Variants in DIAPH3 observed in about 807,000 individuals in gnomAD.
The protein encoded by DIAPH3 is diaphanous related formin 3, also known as protein diaphanous homolog 3.
Under a neutral mutation model 144.3 loss-of-function variants are expected in DIAPH3, and 117 were observed. The ratio of observed to expected loss-of-function variants is 0.81; its 90% CI spans 0.70 to 0.95. DIAPH3 has a LOEUF of 0.95. DIAPH3 is among the 40% of genes least tolerant of loss of function. The pLI is 0.00. For missense variants in DIAPH3, 1,421 were observed against 1,412.7 expected, an observed-to-expected ratio of 1.01 and a Z score of -0.09; for synonymous variants, 519 against 488.9, an observed-to-expected ratio of 1.06 and a Z score of -0.81.
intron 27 of DIAPH3, among the ~76,000 whole-genome samples, chr13:59,753,701 T>C (rs2037126211): frequency 6.6e-6 from 1 of 152,174 alleles, no homozygotes; most frequent in African/African-American, 2.4e-5. Context: ...ATAAATATAT[T>C]TCTTATGCTT....
At chr13:59,745,523 C>T (rs1349245581) in intron 27 of DIAPH3, among the ~76,000 whole-genome samples, 1 of 152,110 alleles carries the variant, frequency 6.6e-6, no homozygotes, top group Non-Finnish European at 1.5e-5. Context: ...CCTTGCACAA[C>T]TGAGAATTAC....
chr13:60,147,670 T>A (rs1242043600), intron 1 of DIAPH3, among the ~76,000 whole-genome samples: 1 of 152,176 alleles, frequency 6.6e-6, no homozygotes, highest in Non-Finnish European at 1.5e-5. Flanking sequence ...ATTGCAATCA[T>A]GCAGGGACCT....
intron 27 of DIAPH3, among the ~76,000 whole-genome samples, chr13:59,689,997 A>C (rs1326392559): frequency 6.6e-6 from 1 of 152,072 alleles, no homozygotes; most frequent in East Asian, 1.9e-4. Flanking sequence ...GCACAATGTC[A>C]CTTTACCCAA....
intron 27 of DIAPH3, among the ~76,000 whole-genome samples, chr13:59,725,963 C>T (rs189841781): frequency 1.2e-4 from 18 of 152,234 alleles, no homozygotes; most frequent in Non-Finnish European, 1.6e-4. Flanking sequence ...CTTTCCTCTG[C>T]TAAAAATTTA....
At chr13:59,721,074 A>G (rs568247885) in intron 27 of DIAPH3, among the ~76,000 whole-genome samples, 1 of 152,348 alleles carries the variant, frequency 6.6e-6, no homozygotes, top group African/African-American at 2.4e-5. Flanking sequence ...TTCATACTGT[A>G]AAATTCCACA....
intron 17 of DIAPH3, among the ~76,000 whole-genome samples, chr13:59,968,923 G>A (rs1486620631): frequency 6.6e-6 from 1 of 152,150 alleles, no homozygotes; most frequent in African/African-American, 2.4e-5. Flanking sequence ...TCTCTGACCT[G>A]TATCCATCCA....
intron 27 of DIAPH3, among the ~76,000 whole-genome samples, chr13:59,670,157 A>G (rs1000687401): frequency 2.0e-5 from 3 of 152,232 alleles, no homozygotes; most frequent in Non-Finnish European, 4.4e-5. Flanking sequence ...CTTTAGGGAC[A>G]AAATGATAAG....
At chr13:59,739,740 C>T (rs185381766) in intron 27 of DIAPH3, among the ~76,000 whole-genome samples, 10 of 152,078 alleles carry the variant, frequency 6.6e-5, no homozygotes, top group East Asian at 1.9e-4. Flanking sequence ...TTTATCACAG[C>T]GCTACAGAGA....
At chr13:59,819,818 A>G (rs184561929) in intron 24 of DIAPH3, among the ~76,000 whole-genome samples, 2 of 151,996 alleles carry the variant, frequency 1.3e-5, no homozygotes, top group African/African-American at 2.4e-5. Flanking sequence ...AGACAGTATA[A>G]TAAGAGGGTA....
chr13:60,114,405 C>A (rs2058649972), intron 2 of DIAPH3, among the ~76,000 whole-genome samples: 1 of 151,848 alleles, frequency 6.6e-6, no homozygotes. Context: ...ATAGAAAGTT[C>A]CAAACTCAAA....
At chr13:59,667,174 G>C (rs1177103463) in intron 27 of DIAPH3, among the ~76,000 whole-genome samples, 1 of 152,166 alleles carries the variant, frequency 6.6e-6, no homozygotes, top group Non-Finnish European at 1.5e-5. Context: ...CCTAAAAAGA[G>C]AGGCCTTCCC....
At chr13:60,156,939 AT>A (rs757042309) in intron 1 of DIAPH3, among the ~76,000 whole-genome samples, 4,827 of 81,030 alleles carry the variant, frequency 0.06, 148 homozygotes, top group Middle Eastern at 0.096. Flanking sequence ...ATATATATAT[AT>A]TTTTTTTTTT....
At chr13:59,977,382 A>T (rs1191863719) in intron 14 of DIAPH3, among the ~76,000 whole-genome samples, 1 of 151,864 alleles carries the variant, frequency 6.6e-6, no homozygotes, top group Non-Finnish European at 1.5e-5. Flanking sequence ...AACAAACTGA[A>T]GGGGATAAAG....
chr13:59,987,871 C>T (rs1398441250), intron 12 of DIAPH3, among the ~76,000 whole-genome samples: 1 of 151,234 alleles, frequency 6.6e-6, no homozygotes, highest in Non-Finnish European at 1.5e-5. Flanking sequence ...ATTTTATAAG[C>T]AAAACCAAAC....
At chr13:59,986,883 T>C (rs2140762538) in intron 12 of DIAPH3, among the ~76,000 whole-genome samples, 1 of 148,308 alleles carries the variant, frequency 6.7e-6, no homozygotes, top group Non-Finnish European at 1.5e-5. Flanking sequence ...GGTGGGACTA[T>C]AAACTAGTTC....
intron 27 of DIAPH3, among the ~76,000 whole-genome samples, chr13:59,764,753 G>T (rs976595759): frequency 8.6e-5 from 13 of 151,840 alleles, no homozygotes; most frequent in African/African-American, 3.1e-4. Flanking sequence ...AATGACTAGA[G>T]CTAGGAGAGA....
At chr13:60,018,301 T>C (rs537783942) in intron 5 of DIAPH3, among the ~76,000 whole-genome samples, 2 of 152,290 alleles carry the variant, frequency 1.3e-5, no homozygotes, top group Admixed American at 1.3e-4. Context: ...CACACCAAAA[T>C]AGGCAAAGTA....
intron 25 of DIAPH3, among the ~76,000 whole-genome samples, chr13:59,796,062 T>A (rs2039584173): frequency 6.6e-6 from 1 of 152,158 alleles, no homozygotes. Flanking sequence ...GGGTTTGTAT[T>A]GTAAGTGAAT....
At chr13:59,998,464 A>G (rs564335830) in intron 9 of DIAPH3, among the ~76,000 whole-genome samples, 234 of 152,288 alleles carry the variant, frequency 1.5e-3, no homozygotes, top group Middle Eastern at 3.4e-3. Flanking sequence ...CAGTCACTGA[A>G]TAACTAAGTA....
Sources: gnomAD v4.1 joint callset for allele counts (sites outside exome capture counted in the v4.1 genomes callset) on GRCh38, gnomAD v4.1.1 for gene constraint, MANE v1.5 for transcripts, NCBI Gene and HGNC (gene_info 2026-07-23, HGNC 2026-07-21) for gene names.